Variants in NOL10 observed in about 807,000 individuals in gnomAD.
NOL10 encodes the protein H_NH0074G24.1.
Under a neutral mutation model 103.5 loss-of-function variants are expected in NOL10, and 58 were observed. The ratio of observed to expected loss-of-function variants is 0.56; its 90% CI spans 0.45 to 0.70. The LOEUF is 0.70. Among genes scored for constraint, NOL10 ranks in the 30% least tolerant of loss-of-function variants. The probability of loss-of-function intolerance (pLI) is 0.00; values close to 1 mark genes in which losing one functional copy is unlikely to be tolerated. For synonymous variants in NOL10, 287 were observed against 282.5 expected (o/e 1.02, Z -0.16); for missense variants, 763 against 807.3 (o/e 0.95, Z 0.67).
intron 17 of NOL10, among the ~76,000 whole-genome samples, chr2:10,591,203 C>T (rs564066366): frequency 2.9e-4 from 44 of 152,030 alleles, no homozygotes; most frequent in African/African-American, 7.7e-4. Flanking sequence ...AGACTTACAA[C>T]GAAGGGAAAA....
At chr2:10,620,397 A>T (rs1677073769) in intron 13 of NOL10, among the ~76,000 whole-genome samples, 1 of 152,266 alleles carries the variant, frequency 6.6e-6, no homozygotes. Context: ...ATACCTTAAC[A>T]GTGCTATTCT....
At position 10,661,061 on chromosome 2, in the gene NOL10, G is replaced by A. The variant is rs114364480; in HGVS notation, c.678-1811C>T. Among the ~76,000 whole-genome samples the A allele has an allele frequency of 4.2e-3, 644 of 151,902 alleles. 9 individuals carry two copies. Among genetic ancestry groups the A allele is most frequent in the African/African-American group, 0.014 (593 of 41,428 alleles). On this transcript the variant is annotated intron_variant, in intron 9 of 20. Transcript: ENST00000381685. ...TTGTGTTCACTGCTTTTCTGATAACGATGTGGTAACACTTTATTTATTTGT... is the reference window on the plus strand; with the variant it reads ...TTGTGTTCACTGCTTTTCTGATAACAATGTGGTAACACTTTATTTATTTGT...
intron 19 of NOL10, among the ~76,000 whole-genome samples, chr2:10,586,992 T>C (rs922262504): frequency 6.8e-6 from 1 of 147,296 alleles, no homozygotes; most frequent in Non-Finnish European, 1.5e-5. Flanking sequence ...AAAAGTTGTA[T>C]GTGTTAGGTC....
intron 13 of NOL10, among the ~76,000 whole-genome samples, chr2:10,628,727 T>G (rs2148237912): frequency 6.6e-6 from 1 of 152,292 alleles, no homozygotes; most frequent in South Asian, 2.1e-4. Context: ...ATCCCATGTC[T>G]TAAATGACCA....
intron 17 of NOL10, among the ~76,000 whole-genome samples, chr2:10,598,971 G>A (rs949386841): frequency 2.0e-4 from 30 of 152,162 alleles, no homozygotes; most frequent in Admixed American, 1.2e-3. Context: ...ACCTGACCAT[G>A]AGGATTGCTC....
At chr2:10,662,929 C>A (rs1483474077) in intron 9 of NOL10, 30 bp downstream of exon 9, 1 of 1,520,888 alleles carries the variant, frequency 6.6e-7, no homozygotes, top group Admixed American at 1.7e-5. Context: ...AGTTGATGAA[C>A]ATTTACATTG....
chr2:10,608,083 GT>G (rs1676353928), intron 13 of NOL10, among the ~76,000 whole-genome samples: 2 of 152,088 alleles, frequency 1.3e-5, no homozygotes, highest in African/African-American at 4.8e-5. Flanking sequence ...TGATGCAAAT[GT>G]TAATTAGCTC....
intron 12 of NOL10, among the ~76,000 whole-genome samples, chr2:10,646,362 T>A (rs1679071000): frequency 6.6e-6 from 1 of 152,128 alleles, no homozygotes; most frequent in South Asian, 2.1e-4. Flanking sequence ...CAACACCACC[T>A]ACCAAACAAA....
intron 11 of NOL10, among the ~76,000 whole-genome samples, chr2:10,655,568 TAAG>T (rs550441847): frequency 5.1e-4 from 78 of 152,156 alleles, no homozygotes; most frequent in Non-Finnish European, 7.5e-4. Flanking sequence ...AAAAAGATGC[TAAG>T]AAGGTGGGTG....
intron 17 of NOL10, among the ~76,000 whole-genome samples, chr2:10,598,189 C>A (rs546196105): frequency 6.6e-6 from 1 of 152,184 alleles, no homozygotes; most frequent in African/African-American, 2.4e-5. Context: ...TCCACAAATC[C>A]CTACGTAAAT....
intron 14 of NOL10, among the ~76,000 whole-genome samples, 192 bp downstream of exon 14, chr2:10,606,993 T>G (rs1034899854): frequency 2.6e-5 from 4 of 152,190 alleles, no homozygotes; most frequent in African/African-American, 7.2e-5. Context: ...CATGTTAAAT[T>G]TACTTGAACT....
intron 9 of NOL10, among the ~76,000 whole-genome samples, chr2:10,661,001 C>T (rs144531492): frequency 2.0e-5 from 3 of 151,658 alleles, no homozygotes; most frequent in East Asian, 1.9e-4. Flanking sequence ...TTTTAACACT[C>T]GGGTATACAT....
intron 12 of NOL10, among the ~76,000 whole-genome samples, chr2:10,647,582 C>T (rs1679170046): frequency 6.6e-6 from 1 of 152,124 alleles, no homozygotes; most frequent in African/African-American, 2.4e-5. Flanking sequence ...GGAAGTGCTG[C>T]GCAAAAACAT....
At chr2:10,682,941 T>C (rs530426674) in intron 2 of NOL10, among the ~76,000 whole-genome samples, 28 of 151,962 alleles carry the variant, frequency 1.8e-4, no homozygotes, top group Non-Finnish European at 3.5e-4. Flanking sequence ...CGCACCACCA[T>C]GCCTGGCTAA....
At chr2:10,611,023 A>G (rs1032199905) in intron 13 of NOL10, among the ~76,000 whole-genome samples, 2 of 152,032 alleles carry the variant, frequency 1.3e-5, no homozygotes, top group African/African-American at 4.8e-5. Context: ...TGTGTTGCCT[A>G]GGCTGGTCTT....
chr2:10,622,878 G>A (rs1247292704), intron 13 of NOL10, among the ~76,000 whole-genome samples: 1 of 151,926 alleles, frequency 6.6e-6, no homozygotes, highest in Non-Finnish European at 1.5e-5. Flanking sequence ...ATTCAAGATG[G>A]CCAAAACTGA....
At chr2:10,645,966 CA>C (rs1158198774) in intron 12 of NOL10, among the ~76,000 whole-genome samples, 7 of 151,696 alleles carry the variant, frequency 4.6e-5, no homozygotes, top group African/African-American at 1.7e-4. Flanking sequence ...CACACACACA[CA>C]CCCCGTAAAA....
At chr2:10,679,205 CA>C (rs1025275705) in intron 3 of NOL10, among the ~76,000 whole-genome samples, 1 of 151,764 alleles carries the variant, frequency 6.6e-6, no homozygotes, top group African/African-American at 2.4e-5. Flanking sequence ...ACTAAAAATA[CA>C]AAATTAGCCG....
chr2:10,593,687 G>A (rs1675515471), intron 17 of NOL10, among the ~76,000 whole-genome samples: 1 of 152,216 alleles, frequency 6.6e-6, no homozygotes, highest in South Asian at 2.1e-4. Context: ...TGGAAAGCCT[G>A]GCCCCAGCCC....
Sources: gnomAD v4.1 joint callset for allele counts (sites outside exome capture counted in the v4.1 genomes callset) on GRCh38, gnomAD v4.1.1 for gene constraint, MANE v1.5 for transcripts, NCBI Gene and HGNC (gene_info 2026-07-23, HGNC 2026-07-21) for gene names.